The following RNF130 variants were observed in gnomAD, a reference collection of about 807,000 sequenced individuals.
RNF130 encodes the protein E3 ubiquitin-protein ligase RNF130.
In RNF130, 21 loss-of-function variants were observed where a neutral mutation model predicts 44.6. That is an observed-to-expected ratio of 0.47 (90% confidence interval 0.33 to 0.68). The LOEUF (loss-of-function observed/expected upper bound fraction) is 0.68. RNF130 is among the 30% of genes least tolerant of loss of function. The pLI, the probability that RNF130 is intolerant of heterozygous loss-of-function variation, is 0.02. For synonymous variants in RNF130, 214 were observed against 210.4 expected, an observed-to-expected ratio of 1.02 and a Z score of -0.15; for missense variants, 479 against 560.6, an observed-to-expected ratio of 0.85 and a Z score of 1.47.
chr5:179,962,409 T>C (rs924299811), intron 8 of RNF130, among the ~76,000 whole-genome samples: 3 of 152,158 alleles, frequency 2.0e-5, no homozygotes, highest in Admixed American at 6.5e-5. Context: ...GTCAATTACA[T>C]CAACTGCATG....
At chr5:180,002,512 T>C (rs1763366279) in intron 3 of RNF130, among the ~76,000 whole-genome samples, 1 of 152,138 alleles carries the variant, frequency 6.6e-6, no homozygotes, top group South Asian at 2.1e-4. Context: ...TGAGGCACAG[T>C]GTCAGCTCCT....
intron 3 of RNF130, among the ~76,000 whole-genome samples, chr5:179,980,938 T>C (rs1762820443): frequency 6.6e-6 from 1 of 151,616 alleles, no homozygotes; most frequent in Non-Finnish European, 1.5e-5. Flanking sequence ...GCGTTAATGG[T>C]GTATACTCAA....
At chr5:180,044,173 C>T (rs1349753789) in intron 1 of RNF130, among the ~76,000 whole-genome samples, 2 of 152,088 alleles carry the variant, frequency 1.3e-5, no homozygotes, top group African/African-American at 2.4e-5. Context: ...AATAGCAATT[C>T]TGTTAAAATT....
chr5:180,002,284 G>A (rs1763361890), intron 3 of RNF130, among the ~76,000 whole-genome samples: 1 of 152,252 alleles, frequency 6.6e-6, no homozygotes, highest in South Asian at 2.1e-4. Context: ...AGAACAGGTG[G>A]AGCAGCTCCA....
intron 7 of RNF130, among the ~76,000 whole-genome samples, chr5:179,948,961 A>ATTTTTTTTTTTTT (rs554440602): frequency 7.8e-6 from 1 of 128,596 alleles, no homozygotes; most frequent in Non-Finnish European, 1.6e-5. Flanking sequence ...CCTTGGAATA[A>ATTTTTTTTTTTTT]TTTTTTTTTT....
chr5:179,980,196 C>T lies in RNF130; in HGVS notation c.698G>A (p.Arg233His), dbSNP rs564466939. The stretch of plus-strand genomic sequence containing the variant: ...GGCTTTCTTGGCTGCATCTCCGAGA[C>T]GACGCTATGAAAATTGCAAATAAAA... ...YTNARDRNQRRLGDAAKKAIS... is the reference protein window; with the variant it reads ...YTNARDRNQRHLGDAAKKAIS... The change falls in exon 4 of 9, where the codon CGT becomes CAT. Residue 233 changes from arginine (R) to histidine (H), a missense_variant. Physicochemically the swap from Arg to His is conservative, Grantham distance 29. Around this residue, in one of 3 missense-constraint regions of RNF130, gnomAD observed 180 missense variants for 275.1 expected, o/e 0.65. Transcript: ENST00000521389. The T allele has an allele frequency of 1.9e-5, 30 of 1,613,856 alleles. No individual in the cohort carries two copies. The highest frequency in any genetic ancestry group is 2.7e-5 in the African/African-American group (2 of 75,014).
chr5:179,965,068 C>T (rs1232043521), intron 7 of RNF130, among the ~76,000 whole-genome samples: 1 of 152,186 alleles, frequency 6.6e-6, no homozygotes, highest in African/African-American at 2.4e-5. Context: ...ATGCAGACTA[C>T]CTTGTAGAAC....
At chr5:179,963,383 C>T in intron 8 of RNF130, 88 bp downstream of exon 8, 2 of 945,836 alleles carry the variant, frequency 2.1e-6, no homozygotes, top group African/African-American at 1.6e-5. Context: ...TGGTAGAAAG[C>T]CAGTTCTCAC....
Position 179,981,393 on chromosome 5 carries a change from G to A in RNF130, c.694-1193C>T, listed in dbSNP as rs1762836038. ...GAGCAAGGCGGGGACCAAAACAACGGACACCTTAAGAATGTTAAAAACCCA... is the reference window on the plus strand; with the variant it reads ...GAGCAAGGCGGGGACCAAAACAACGAACACCTTAAGAATGTTAAAAACCCA... On this transcript the variant is annotated intron_variant, in intron 3 of 8. Transcript: ENST00000521389. 3.3e-5 allele frequency among the ~76,000 whole-genome samples: 5 copies of A among 152,140 alleles called. No individual in the cohort carries two copies. In the South Asian group the frequency reaches 1.0e-3, roughly 31 times the overall value.
chr5:179,962,806 T>C (rs1762364472), intron 8 of RNF130, among the ~76,000 whole-genome samples: 1 of 151,950 alleles, frequency 6.6e-6, no homozygotes, highest in Admixed American at 6.6e-5. Flanking sequence ...ACATTCCCAG[T>C]CCTGAGCGTG....
At chr5:180,061,001 G>A (rs1399533931) in intron 1 of RNF130, among the ~76,000 whole-genome samples, 1 of 150,760 alleles carries the variant, frequency 6.6e-6, no homozygotes, top group Non-Finnish European at 1.5e-5. Context: ...CCCCGGGGGG[G>A]CGGAGCCTGC....
chr5:180,042,301 C>T (rs1042765013), intron 1 of RNF130, among the ~76,000 whole-genome samples: 2 of 152,146 alleles, frequency 1.3e-5, no homozygotes, highest in Non-Finnish European at 2.9e-5. Flanking sequence ...GTATTTGCTA[C>T]CAGAGGTCTC....
intron 3 of RNF130, among the ~76,000 whole-genome samples, chr5:179,998,376 T>C (rs1561685973): frequency 6.6e-6 from 1 of 152,258 alleles, no homozygotes. Context: ...CATGTATTTG[T>C]ACAATTCCAA....
intron 8 of RNF130, among the ~76,000 whole-genome samples, chr5:179,960,079 T>C (rs764693958): frequency 6.6e-6 from 1 of 152,206 alleles, no homozygotes; most frequent in Non-Finnish European, 1.5e-5. Context: ...ATTTTTCTTA[T>C]TTTGAGGGAA....
chr5:180,008,079 G>C (rs1582183356), intron 3 of RNF130, among the ~76,000 whole-genome samples: 1 of 147,952 alleles, frequency 6.8e-6, no homozygotes, highest in African/African-American at 2.5e-5. Flanking sequence ...CATGAGAAAC[G>C]GGTGGTGGCT....
At chr5:180,056,712 T>C (rs1764832654) in intron 1 of RNF130, among the ~76,000 whole-genome samples, 2 of 152,218 alleles carry the variant, frequency 1.3e-5, no homozygotes, top group African/African-American at 4.8e-5. Flanking sequence ...TGTGTATATA[T>C]GTGTACAAAA....
Position 179,978,239 on chromosome 5 carries a change from T to C in RNF130, c.812A>G (p.Tyr271Cys). The part of the protein sequence containing the change: ...FDHCAVCIES[Y>C]KQNDVVRILP... ...AATTCGGACGACATCATTCTGCTTATAGCTCTCTATGCAGACTGCACAATG... is the reference window on the plus strand; with the variant it reads ...AATTCGGACGACATCATTCTGCTTACAGCTCTCTATGCAGACTGCACAATG... The change falls in exon 5 of 9, where the codon TAT becomes TGT. Residue 271 changes from tyrosine to cysteine, a missense_variant. Tyr to Cys is a radical substitution (Grantham distance 194, BLOSUM62 -2). This residue lies in a region of RNF130 where 180 missense variants were observed against 275.1 expected (regional missense o/e 0.65). Coordinates refer to ENST00000521389, the MANE Select transcript of RNF130 (RefSeq NM_018434.6). The C allele has an allele frequency of 2.5e-6, 4 of 1,614,090 alleles. No individual in the cohort carries two copies. The highest frequency in any genetic ancestry group is 2.2e-5 in the East Asian group (1 of 44,888).
Position 179,977,639 on chromosome 5 carries a change from G to C in RNF130, c.848+564C>G, listed in dbSNP as rs1762743767. On this transcript the variant is annotated intron_variant, in intron 5 of 8. Coordinates refer to ENST00000521389, the MANE Select transcript of RNF130 (RefSeq NM_018434.6). This position sits in a 1 kb window ranked among gnomAD's most constrained non-coding sequence, Gnocchi z 4.1. ...AGGCTGAGGCAGGCAGATCACCTGA[G>C]GTCAGGAGTTCAAGACCAACTGGCC... is the stretch of plus-strand genomic sequence containing the variant. Among the ~76,000 whole-genome samples the C allele has an allele frequency of 6.6e-6, 1 of 152,116 alleles. No homozygotes were observed. The highest frequency in any genetic ancestry group is 2.1e-4 in the South Asian group (1 of 4,832).
chr5:179,920,904 T>C (rs1034289209), intron 7 of RNF130, among the ~76,000 whole-genome samples: 4 of 151,894 alleles, frequency 2.6e-5, no homozygotes, highest in African/African-American at 9.7e-5. Flanking sequence ...TCCGAATTTT[T>C]TTCAGTCTTA....
Sources: gnomAD v4.1 joint callset for allele counts (sites outside exome capture counted in the v4.1 genomes callset) on GRCh38, gnomAD v4.1.1 for gene constraint, gnomAD v4.1.1 regional missense constraint, Gnocchi (gnomAD v3.1) non-coding constraint, MANE v1.5 for transcripts, NCBI Gene and HGNC (gene_info 2026-07-23, HGNC 2026-07-21) for gene names.